Variants in KCNQ5 observed in about 807,000 individuals in gnomAD.
The protein encoded by KCNQ5 is potassium voltage-gated channel subfamily Q member 5.
KCNQ5 carries 30 observed loss-of-function variants against 98.2 expected under a neutral mutation model. The ratio of observed to expected loss-of-function variants is 0.31; its 90% CI spans 0.23 to 0.41. The LOEUF (loss-of-function observed/expected upper bound fraction) is 0.41, where lower values mean the gene tolerates loss of function less well. KCNQ5 is among the 10% of genes least tolerant of loss of function. The pLI is 1.00. For synonymous variants in KCNQ5, 458 were observed against 449.4 expected, an observed-to-expected ratio of 1.02 and a Z score of -0.24; for missense variants, 835 against 1,182.5, an observed-to-expected ratio of 0.71 and a Z score of 4.31.
chr6:72,737,925 G>C (rs9342968), intron 1 of KCNQ5, among the ~76,000 whole-genome samples: 56,571 of 151,982 alleles, frequency 0.37, 13,990 homozygotes, highest in African/African-American at 0.67. Context: ...GGAGGCCGAG[G>C]TGGGTGGATC....
At chr6:72,883,710 G>GA (rs1186357114) in intron 1 of KCNQ5, among the ~76,000 whole-genome samples, 1 of 152,144 alleles carries the variant, frequency 6.6e-6, no homozygotes, top group Non-Finnish European at 1.5e-5. Flanking sequence ...CTACCTGCCG[G>GA]AAAATCTTAT....
intron 1 of KCNQ5, among the ~76,000 whole-genome samples, chr6:72,984,374 A>T (rs943310762): frequency 3.3e-5 from 5 of 152,110 alleles, no homozygotes; most frequent in African/African-American, 1.2e-4. Flanking sequence ...ACCCAGTTTG[A>T]GCTTCCAGGC....
chr6:72,667,863 A>T (rs1766903869), intron 1 of KCNQ5, among the ~76,000 whole-genome samples: 1 of 152,330 alleles, frequency 6.6e-6, no homozygotes, highest in African/African-American at 2.4e-5. Flanking sequence ...ACATTTTACA[A>T]AATAACTGAC....
chr6:73,128,546 A>G (rs776894080), intron 9 of KCNQ5, among the ~76,000 whole-genome samples: 12 of 152,320 alleles, frequency 7.9e-5, no homozygotes, highest in Non-Finnish European at 1.6e-4. Flanking sequence ...CAGTCATCAC[A>G]TTGATACAAG....
At chr6:73,082,134 G>A (rs1773802279) in intron 5 of KCNQ5, among the ~76,000 whole-genome samples, 1 of 152,150 alleles carries the variant, frequency 6.6e-6, no homozygotes, top group Non-Finnish European at 1.5e-5. Flanking sequence ...AAAATACCAG[G>A]GATTCCTGAG....
At chr6:72,668,261 C>A (rs1404046557) in intron 1 of KCNQ5, among the ~76,000 whole-genome samples, 1 of 151,996 alleles carries the variant, frequency 6.6e-6, no homozygotes, top group East Asian at 1.9e-4. Flanking sequence ...GTTGACAGCC[C>A]AAATCAATAT....
In KCNQ5 at chr6:73,195,514, C is replaced by T; in HGVS notation, c.*100C>T. The T allele has an allele frequency of 5.6e-6, 8 of 1,429,284 alleles. No homozygotes were observed. Among genetic ancestry groups the T allele is most frequent in the Middle Eastern group, 1.9e-4 (1 of 5,138 alleles). The allele number at this position is 1,429,284 out of a possible 1,614,324, so 88.5% of individuals were successfully genotyped here. On this transcript the variant is annotated 3_prime_UTR_variant, in exon 14 of 14. Coordinates refer to ENST00000370398, the MANE Select transcript of KCNQ5 (RefSeq NM_019842.4). Reference sequence around the variant, plus strand: ...TCTAAAAAGTTGAAATTGCAAGAATCGGGAAGAACATGAAAGGCAGTTTAT... The same window carrying T: ...TCTAAAAAGTTGAAATTGCAAGAATTGGGAAGAACATGAAAGGCAGTTTAT...
At chr6:72,833,270 G>A (rs1201084775) in intron 1 of KCNQ5, among the ~76,000 whole-genome samples, 3 of 152,096 alleles carry the variant, frequency 2.0e-5, no homozygotes, top group African/African-American at 7.2e-5. Flanking sequence ...CATAAAGTGA[G>A]GATGATAATG....
chr6:72,829,765 T>A (rs776180434), intron 1 of KCNQ5, among the ~76,000 whole-genome samples: 1 of 152,122 alleles, frequency 6.6e-6, no homozygotes, highest in Non-Finnish European at 1.5e-5. Context: ...GTGGAATGAA[T>A]AGATGTTTGA....
In KCNQ5 at chr6:72,793,182, A is replaced by G. The variant is rs183837853; in HGVS notation, c.398+170595A>G. 4.6e-5 allele frequency among the ~76,000 whole-genome samples: 7 copies of G among 152,358 alleles called. No homozygotes were observed. In the East Asian group the frequency reaches 1.3e-3, roughly 29 times the overall value. On this transcript the variant is annotated intron_variant, in intron 1 of 13. Coordinates refer to ENST00000370398, the MANE Select transcript of KCNQ5 (RefSeq NM_019842.4). ...ATCATCTGAACTTAAGCTTATCTCC[A>G]TTTTGCAAATAAACACAAAGTATTT...
At chr6:72,995,185 A>G (rs1419510653) in intron 1 of KCNQ5, among the ~76,000 whole-genome samples, 1 of 152,160 alleles carries the variant, frequency 6.6e-6, no homozygotes, top group Non-Finnish European at 1.5e-5. Flanking sequence ...CCTGACCAAC[A>G]TGGTGAAGCC....
chr6:72,836,124 G>A (rs1776492863), intron 1 of KCNQ5, among the ~76,000 whole-genome samples: 1 of 152,112 alleles, frequency 6.6e-6, no homozygotes, highest in Admixed American at 6.6e-5. Flanking sequence ...AGTTTGTTTT[G>A]CCCTCATTAG....
At chr6:72,793,955 A>G (rs759512172) in intron 1 of KCNQ5, among the ~76,000 whole-genome samples, 1 of 152,244 alleles carries the variant, frequency 6.6e-6, no homozygotes, top group Non-Finnish European at 1.5e-5. Flanking sequence ...ATGAGAGGAA[A>G]TGAGTATATG....
intron 5 of KCNQ5, among the ~76,000 whole-genome samples, chr6:73,101,003 C>G (rs1562179043): frequency 6.6e-6 from 1 of 151,996 alleles, no homozygotes; most frequent in Non-Finnish European, 1.5e-5. Flanking sequence ...AAAAATTATC[C>G]CAGCAAAGAA....
intron 1 of KCNQ5, among the ~76,000 whole-genome samples, chr6:72,786,679 C>T (rs989255399): frequency 6.6e-6 from 1 of 152,136 alleles, no homozygotes; most frequent in Non-Finnish European, 1.5e-5. Flanking sequence ...ACTGGCCTCT[C>T]ACAACAGAAA....
chr6:73,132,747 A>C (rs979537261), intron 9 of KCNQ5, among the ~76,000 whole-genome samples: 9 of 152,244 alleles, frequency 5.9e-5, no homozygotes, highest in African/African-American at 2.2e-4. Context: ...GTGTTAGTGA[A>C]CATAACATCT....
At chr6:72,703,659 G>A (rs1471636280) in intron 1 of KCNQ5, among the ~76,000 whole-genome samples, 2 of 152,158 alleles carry the variant, frequency 1.3e-5, no homozygotes, top group Non-Finnish European at 2.9e-5. Context: ...AAGTTTAGGT[G>A]GTGTAGACGT....
At chr6:72,874,155 T>G (rs1480950712) in intron 1 of KCNQ5, among the ~76,000 whole-genome samples, 1 of 151,996 alleles carries the variant, frequency 6.6e-6, no homozygotes, top group African/African-American at 2.4e-5. Context: ...TTCTCAAACC[T>G]GAAAGGACAA....
intron 1 of KCNQ5, among the ~76,000 whole-genome samples, chr6:73,001,906 G>T (rs556303993): frequency 7.9e-5 from 12 of 151,768 alleles, no homozygotes; most frequent in African/African-American, 2.9e-4. Context: ...GATCCCTTGA[G>T]GCCAGGAGTT....
Sources: gnomAD v4.1 joint callset for allele counts (sites outside exome capture counted in the v4.1 genomes callset) on GRCh38, gnomAD v4.1.1 for gene constraint, MANE v1.5 for transcripts, NCBI Gene and HGNC (gene_info 2026-07-23, HGNC 2026-07-21) for gene names.